Variants in KAZN observed in about 807,000 individuals in gnomAD.
KAZN encodes the protein kazrin.
In KAZN, 40 loss-of-function variants were observed where a neutral mutation model predicts 87.4. That is an observed-to-expected ratio of 0.46 (90% CI 0.36 to 0.60). KAZN has a LOEUF of 0.60. KAZN is among the 20% of genes least tolerant of loss of function. The pLI is 0.00. For synonymous variants in KAZN, 466 were observed against 458.3 expected (o/e 1.02, Z -0.22); for missense variants, 898 against 1,073.9 (o/e 0.84, Z 2.29).
At chr1:14,368,804 T>TTA (rs1468371385) in intron 2 of KAZN, among the ~76,000 whole-genome samples, 3 of 152,222 alleles carry the variant, frequency 2.0e-5, no homozygotes, top group African/African-American at 7.2e-5. Context: ...GCCCTTTACT[T>TTA]GTTAAACAAT....
intron 2 of KAZN, among the ~76,000 whole-genome samples, chr1:14,340,887 C>CTTTTTTTTTTTTTTT (rs1557650364): frequency 3.8e-4 from 17 of 45,114 alleles, no homozygotes; most frequent in African/African-American, 2.1e-3. Flanking sequence ...CATGATTTTC[C>CTTTTTTTTTTTTTTT]CTTTTTTTTT....
intron 1 of KAZN, among the ~76,000 whole-genome samples, chr1:13,922,906 G>A (rs939618624): frequency 6.6e-6 from 1 of 152,176 alleles, no homozygotes; most frequent in Non-Finnish European, 1.5e-5. Flanking sequence ...ACATTCGTCA[G>A]CACATAGTAG....
chr1:14,881,912 G>A (rs1653380817), intron 1 of KAZN, among the ~76,000 whole-genome samples: 1 of 151,966 alleles, frequency 6.6e-6, no homozygotes, highest in African/African-American at 2.4e-5. Flanking sequence ...TGAACTCACT[G>A]TAAGCTCCTC....
At chr1:14,743,360 G>A (rs1487914635) in intron 1 of KAZN, among the ~76,000 whole-genome samples, 3 of 151,946 alleles carry the variant, frequency 2.0e-5, no homozygotes, top group Admixed American at 6.6e-5. Context: ...AACCTGGGAG[G>A]CGGAGGTTAC....
intron 2 of KAZN, among the ~76,000 whole-genome samples, chr1:14,370,030 C>T (rs912448889): frequency 3.3e-5 from 5 of 152,164 alleles, no homozygotes; most frequent in Non-Finnish European, 7.3e-5. Context: ...CCTTTTGGCC[C>T]CTCTCCAGCC....
intron 1 of KAZN, among the ~76,000 whole-genome samples, chr1:14,943,794 G>A (rs1355348998): frequency 2.0e-5 from 3 of 151,784 alleles, no homozygotes; most frequent in South Asian, 2.1e-4. Flanking sequence ...AAGTTGAGCC[G>A]GGCACAGTGG....
intron 1 of KAZN, among the ~76,000 whole-genome samples, chr1:14,759,198 C>T (rs1644664614): frequency 6.6e-6 from 1 of 152,184 alleles, no homozygotes; most frequent in African/African-American, 2.4e-5. Context: ...GTTCCTATCT[C>T]AGCCTGGCTG....
At chr1:14,695,051 A>T (rs920101786) in intron 1 of KAZN, among the ~76,000 whole-genome samples, 3 of 152,192 alleles carry the variant, frequency 2.0e-5, no homozygotes, top group African/African-American at 7.2e-5. Flanking sequence ...GTCTGCCAAG[A>T]TGAAGCTTAA....
At chr1:13,989,129 G>A (rs749081512) in intron 1 of KAZN, among the ~76,000 whole-genome samples, 22 of 152,104 alleles carry the variant, frequency 1.4e-4, no homozygotes, top group Non-Finnish European at 2.5e-4. Flanking sequence ...TAACAAACTC[G>A]CTTCTGTGAT....
chr1:14,300,198 G>C (rs1415532634), intron 2 of KAZN, among the ~76,000 whole-genome samples: 1 of 152,130 alleles, frequency 6.6e-6, no homozygotes, highest in Non-Finnish European at 1.5e-5. Flanking sequence ...GATCCTGCAG[G>C]GACTCGGAGC....
chr1:14,751,279 C>T (rs541964412), intron 1 of KAZN, among the ~76,000 whole-genome samples: 5 of 152,256 alleles, frequency 3.3e-5, no homozygotes, highest in East Asian at 1.9e-4. Context: ...GTACTTAATA[C>T]GTACATGTGA....
chr1:14,634,310 A>G (rs1311003273), intron 1 of KAZN, among the ~76,000 whole-genome samples: 4 of 152,242 alleles, frequency 2.6e-5, no homozygotes, highest in African/African-American at 9.6e-5. Context: ...AGCCTGGCCA[A>G]TAAAAGCTGA....
At chr1:14,218,305 T>A (rs994658788) in intron 2 of KAZN, among the ~76,000 whole-genome samples, 1 of 151,614 alleles carries the variant, frequency 6.6e-6, no homozygotes, top group African/African-American at 2.4e-5. Context: ...ATCATATACA[T>A]TGTGAGTTCA....
chr1:14,840,178 G>A (rs1647787656), intron 1 of KAZN, among the ~76,000 whole-genome samples: 1 of 152,174 alleles, frequency 6.6e-6, no homozygotes, highest in South Asian at 2.1e-4. Context: ...CTTGCACGGT[G>A]ATTGCCGATT....
chr1:14,795,015 A>G (rs532028300), intron 1 of KAZN, among the ~76,000 whole-genome samples: 1 of 152,232 alleles, frequency 6.6e-6, no homozygotes, highest in South Asian at 2.1e-4. Flanking sequence ...GGACTCTTGA[A>G]CTTACACTAG....
At chr1:13,906,829 A>G (rs1274810111) in intron 1 of KAZN, among the ~76,000 whole-genome samples, 2 of 152,202 alleles carry the variant, frequency 1.3e-5, no homozygotes, top group Non-Finnish European at 2.9e-5. Flanking sequence ...AGATGCCACC[A>G]TGGGAGAGAG....
At chr1:13,927,759 G>A (rs1405148965) in intron 1 of KAZN, among the ~76,000 whole-genome samples, 1 of 152,166 alleles carries the variant, frequency 6.6e-6, no homozygotes, top group Non-Finnish European at 1.5e-5. Flanking sequence ...TTAGAAGGTC[G>A]CATAGCAACT....
At chr1:14,918,960 C>T (rs186838897) in intron 1 of KAZN, among the ~76,000 whole-genome samples, 118 of 151,962 alleles carry the variant, frequency 7.8e-4, no homozygotes, top group Non-Finnish European at 4.9e-4. Context: ...TTGTTTTAAA[C>T]CACTGAGTTT....
chr1:14,168,059 C>T (rs1018686710), intron 1 of KAZN, among the ~76,000 whole-genome samples: 1 of 152,198 alleles, frequency 6.6e-6, no homozygotes, highest in African/African-American at 2.4e-5. Flanking sequence ...GTAAGGTTGA[C>T]ATGTCCTTGG....
Sources: allele counts gnomAD v4.1 joint callset (sites outside exome capture counted in the v4.1 genomes callset), GRCh38; gene constraint gnomAD v4.1.1; transcripts MANE v1.5; gene names NCBI Gene and HGNC (gene_info 2026-07-23, HGNC 2026-07-21).